Variants in RANBP17 observed in about 807,000 individuals in gnomAD.
RANBP17 encodes ran-binding protein 17.
RANBP17 carries 158 observed loss-of-function variants against 141.2 expected under a neutral mutation model. That is an observed-to-expected ratio of 1.12 (90% confidence interval 0.98 to 1.28). RANBP17 has a LOEUF of 1.28. Among genes scored for constraint, RANBP17 ranks in the 50% most tolerant of loss-of-function variants. RANBP17 has a pLI of 0.00. For missense variants in RANBP17, 1,438 were observed against 1,290.7 expected, an observed-to-expected ratio of 1.11 and a Z score of -1.75; for synonymous variants, 430 against 450.0, an observed-to-expected ratio of 0.96 and a Z score of 0.56.
At chr5:171,147,402 T>TG (rs869206572) in intron 14 of RANBP17, among the ~76,000 whole-genome samples, 657 of 11,146 alleles carry the variant, frequency 0.059, 8 homozygotes, top group Non-Finnish European at 0.077. Flanking sequence ...TTTTTGTGTG[T>TG]TTTTTTTTTT....
At chr5:171,068,906 G>A (rs1485287675) in intron 14 of RANBP17, among the ~76,000 whole-genome samples, 5 of 152,162 alleles carry the variant, frequency 3.3e-5, no homozygotes, top group Admixed American at 3.3e-4. Flanking sequence ...ACTTCTCAAA[G>A]GCTGCAGTTA....
At chr5:171,258,394 G>T (rs904051473) in intron 24 of RANBP17, among the ~76,000 whole-genome samples, 28 of 152,060 alleles carry the variant, frequency 1.8e-4, no homozygotes, top group African/African-American at 6.0e-4. Context: ...TAAAATTCAT[G>T]TGGAACCATA....
chr5:171,118,196 G>A (rs775324318), intron 14 of RANBP17, among the ~76,000 whole-genome samples: 14 of 152,108 alleles, frequency 9.2e-5, no homozygotes, highest in African/African-American at 1.7e-4. Flanking sequence ...GTCTAGTTTC[G>A]TACTTCAGCA....
intron 14 of RANBP17, among the ~76,000 whole-genome samples, chr5:171,151,466 G>T (rs1010753416): frequency 6.6e-6 from 1 of 151,982 alleles, no homozygotes; most frequent in African/African-American, 2.4e-5. Context: ...CACTTTCTCT[G>T]GTCAATAATA....
intron 13 of RANBP17, among the ~76,000 whole-genome samples, chr5:170,965,874 T>C (rs2339184): frequency 0.61 from 92,580 of 151,466 alleles, 29,677 homozygotes; most frequent in South Asian, 0.9. Flanking sequence ...ATTGACTTGG[T>C]GACACAGGCT....
rs1755335674 is a variant in RANBP17, at chr5:171,112,779, C to T, written c.1711-57351C>T. Among the ~76,000 whole-genome samples the T allele has an allele frequency of 1.3e-5, 2 of 151,778 alleles. 1 individual carries two copies. The highest frequency in any genetic ancestry group is 4.1e-4 in the South Asian group (2 of 4,822). On this transcript the variant is annotated intron_variant, in intron 14 of 27. Coordinates refer to ENST00000523189, the MANE Select transcript of RANBP17 (RefSeq NM_022897.5). Reference sequence around the variant, plus strand: ...TAAGTATCTGCCTTTTTTGTTGGGACACAATCTGCCATTTTTATCCTGTAA... The same window carrying T: ...TAAGTATCTGCCTTTTTTGTTGGGATACAATCTGCCATTTTTATCCTGTAA...
At chr5:170,912,636 G>A (rs1479496147) in intron 7 of RANBP17, among the ~76,000 whole-genome samples, 1 of 151,800 alleles carries the variant, frequency 6.6e-6, no homozygotes, top group Non-Finnish European at 1.5e-5. Flanking sequence ...TGGAAAAGTT[G>A]TAAGACAAAG....
chr5:171,196,523 T>A (rs1303983763), intron 18 of RANBP17, among the ~76,000 whole-genome samples: 4 of 152,220 alleles, frequency 2.6e-5, no homozygotes, highest in African/African-American at 7.2e-5. Context: ...GCTGGCAATC[T>A]TGCAGTTATA....
chr5:170,888,973 CAT>C (rs1381043509), intron 3 of RANBP17, among the ~76,000 whole-genome samples: 2 of 151,948 alleles, frequency 1.3e-5, no homozygotes, highest in African/African-American at 4.8e-5. Flanking sequence ...TTTATGTTAT[CAT>C]GTGATTTTTC....
intron 25 of RANBP17, among the ~76,000 whole-genome samples, chr5:171,269,704 C>T (rs977180228): frequency 2.0e-5 from 3 of 152,050 alleles, no homozygotes; most frequent in African/African-American, 7.2e-5. Flanking sequence ...CATTGGTTGC[C>T]CATTAAATGC....
intron 25 of RANBP17, among the ~76,000 whole-genome samples, chr5:171,291,010 C>T (rs560094150): frequency 2.0e-5 from 3 of 152,328 alleles, no homozygotes; most frequent in South Asian, 2.1e-4. Flanking sequence ...TGAAATGACT[C>T]GCCCAATGTC....
chr5:170,935,466 T>C (rs910301732), intron 12 of RANBP17, among the ~76,000 whole-genome samples: 1 of 152,232 alleles, frequency 6.6e-6, no homozygotes, highest in Non-Finnish European at 1.5e-5. Flanking sequence ...TCTTTGATGA[T>C]GGTGACGTAT....
At chr5:171,037,093 C>G (rs190467025) in intron 14 of RANBP17, among the ~76,000 whole-genome samples, 4 of 152,126 alleles carry the variant, frequency 2.6e-5, no homozygotes, top group Admixed American at 2.6e-4. Context: ...GCAGCTTTGC[C>G]AGCATCTATT....
intron 14 of RANBP17, among the ~76,000 whole-genome samples, chr5:171,149,301 A>ATAGT (rs747449852): frequency 6.6e-6 from 1 of 152,190 alleles, no homozygotes; most frequent in Non-Finnish European, 1.5e-5. Context: ...TGAAGTCCAC[A>ATAGT]TAGTTATATA....
At chr5:170,908,248 G>A (rs894236153) in intron 5 of RANBP17, among the ~76,000 whole-genome samples, 7 of 151,916 alleles carry the variant, frequency 4.6e-5, no homozygotes. Flanking sequence ...ATTCAGAAAA[G>A]CAAAGACGTG....
intron 14 of RANBP17, among the ~76,000 whole-genome samples, chr5:171,018,792 C>T (rs1780634373): frequency 6.6e-6 from 1 of 152,080 alleles, no homozygotes; most frequent in Non-Finnish European, 1.5e-5. Context: ...TCCAATACTA[C>T]ATTGAATAGG....
chr5:171,008,021 A>G (rs1053378007), intron 14 of RANBP17, among the ~76,000 whole-genome samples: 1 of 152,216 alleles, frequency 6.6e-6, no homozygotes, highest in African/African-American at 2.4e-5. Context: ...TGGGTAAATG[A>G]CCAAGGCAGG....
intron 16 of RANBP17, among the ~76,000 whole-genome samples, chr5:171,180,904 T>C (rs1760820199): frequency 6.6e-6 from 1 of 152,232 alleles, no homozygotes; most frequent in Non-Finnish European, 1.5e-5. Context: ...AAACATGACT[T>C]GCTGTTTATT....
chr5:171,123,147 A>G (rs888498823), intron 14 of RANBP17, among the ~76,000 whole-genome samples: 1 of 152,094 alleles, frequency 6.6e-6, no homozygotes, highest in Admixed American at 6.5e-5. Context: ...AGGGTTGCTG[A>G]CATACCTGCA....
Sources: allele counts gnomAD v4.1 joint callset (sites outside exome capture counted in the v4.1 genomes callset), GRCh38; gene constraint gnomAD v4.1.1; transcripts MANE v1.5; gene names NCBI Gene and HGNC (gene_info 2026-07-23, HGNC 2026-07-21).